ZNF704: variants seen among roughly 807,000 people sequenced by gnomAD.
The protein encoded by ZNF704 is zinc finger protein 704, also known as glucocorticoid induced gene 1.
In ZNF704, 10 loss-of-function variants were observed where a neutral mutation model predicts 44.7. That is an observed-to-expected ratio of 0.22 (90% confidence interval 0.14 to 0.38). The LOEUF (loss-of-function observed/expected upper bound fraction) is 0.38, where lower values mean the gene tolerates loss of function less well. ZNF704 is among the 10% of genes least tolerant of loss of function. ZNF704 has a pLI of 1.00. For synonymous variants in ZNF704, 211 were observed against 207.6 expected, an observed-to-expected ratio of 1.02 and a Z score of -0.14; for missense variants, 390 against 545.5, an observed-to-expected ratio of 0.71 and a Z score of 2.84.
chr8:80,669,234 C>A (rs1456564792), intron 5 of ZNF704, among the ~76,000 whole-genome samples: 3 of 152,154 alleles, frequency 2.0e-5, no homozygotes, highest in Admixed American at 1.3e-4. Context: ...CTTTCTAAAC[C>A]TTTAAAAAAA....
intron 5 of ZNF704, among the ~76,000 whole-genome samples, chr8:80,665,848 G>T (rs1305151170): frequency 1.5e-4 from 23 of 150,606 alleles, no homozygotes; most frequent in African/African-American, 5.4e-4. Flanking sequence ...TTTCATGATT[G>T]TAAGTTTCCT....
At chr8:80,820,481 C>CATACAAAG (rs1469993438) in intron 2 of ZNF704, among the ~76,000 whole-genome samples, 4 of 152,100 alleles carry the variant, frequency 2.6e-5, no homozygotes, top group Non-Finnish European at 5.9e-5. Flanking sequence ...GTAGATCTAT[C>CATACAAAG]ATACAAAGAT....
At chr8:80,776,207 T>A (rs1043430232) in intron 2 of ZNF704, among the ~76,000 whole-genome samples, 1 of 152,220 alleles carries the variant, frequency 6.6e-6, no homozygotes, top group Admixed American at 6.5e-5. Context: ...TATTTTGGAT[T>A]ATTTACTTAA....
At chr8:80,769,290 T>C (rs1037430336) in intron 2 of ZNF704, among the ~76,000 whole-genome samples, 1 of 152,190 alleles carries the variant, frequency 6.6e-6, no homozygotes, top group African/African-American at 2.4e-5. Flanking sequence ...AATTGTAGAT[T>C]CACAGTAAGT....
chr8:80,694,347 G>C (rs1818691003), intron 2 of ZNF704: 1 of 152,148 alleles, frequency 6.6e-6, no homozygotes, highest in Non-Finnish European at 1.5e-5. Context: ...ATGGTGACCG[G>C]AGTCAACTTG....
intron 2 of ZNF704, among the ~76,000 whole-genome samples, chr8:80,765,758 T>C (rs931764003): frequency 1.1e-4 from 16 of 152,168 alleles, no homozygotes; most frequent in African/African-American, 3.9e-4. Context: ...ATTGCATCTT[T>C]TGAGATTTTC....
At chr8:80,718,109 T>C (rs546581958) in intron 2 of ZNF704, among the ~76,000 whole-genome samples, 1 of 152,290 alleles carries the variant, frequency 6.6e-6, no homozygotes, top group South Asian at 2.1e-4. Context: ...AGCTACTCCA[T>C]AAGATTTTTC....
In ZNF704 at chr8:80,634,058, T is replaced by G. The variant is rs1817629201; in HGVS notation, c.*7308A>C. 1.3e-5 allele frequency: 2 copies of G among 152,140 alleles called. No homozygotes were observed. Among genetic ancestry groups the G allele is most frequent in the South Asian group, 4.1e-4 (2 of 4,834 alleles). The allele number at this position is 152,140 out of a possible 1,614,324, so 9.4% of individuals were successfully genotyped here. A position where few individuals can be genotyped will look rare whatever the true frequency, so the allele number is the denominator to read the frequency against. On this transcript the variant is annotated 3_prime_UTR_variant, in exon 9 of 9. Transcript: ENST00000327835. ...GGTAACGAAGACTCATGAGGCCGGA[T>G]GGAGAGGGAAGGAGTGTGGGGAGGC...
At chr8:80,680,723 A>T (rs550922541) in intron 4 of ZNF704, among the ~76,000 whole-genome samples, 5 of 152,352 alleles carry the variant, frequency 3.3e-5, no homozygotes, top group Admixed American at 1.3e-4. Flanking sequence ...CCTCACGGTT[A>T]CACAGTATAC....
chr8:80,773,379 G>C (rs901977099), intron 2 of ZNF704, among the ~76,000 whole-genome samples: 3 of 152,058 alleles, frequency 2.0e-5, no homozygotes, highest in African/African-American at 7.2e-5. Context: ...CAGTTGAAGT[G>C]GAGTACAGAT....
rs1459247256 is a variant in ZNF704, at chr8:80,641,437, C to T, written c.1168G>A (p.Gly390Arg). ...GEGKKCRKVY[G>R]MENRDMWCTA... is the part of the protein sequence containing the mutation. ...CACCACATGTCTCGGTTCTCCATCC[C>T]GTACACCTTCCGACACTTTTTGCCC... is the stretch of plus-strand genomic sequence containing the variant. The change falls in exon 9 of 9, where the codon GGG becomes AGG. Residue 390 changes from glycine to arginine, a missense_variant. Physicochemically the swap from Gly to Arg is moderately radical, Grantham distance 125. Coordinates refer to ENST00000327835, the MANE Select transcript of ZNF704 (RefSeq NM_001033723.3). 3.7e-6 allele frequency: 6 copies of T among 1,613,754 alleles called. No homozygotes were observed. The highest frequency in any genetic ancestry group is 5.1e-6 in the Non-Finnish European group (6 of 1,179,842).
chr8:80,733,026 T>C (rs903862766), intron 2 of ZNF704, among the ~76,000 whole-genome samples: 1 of 151,510 alleles, frequency 6.6e-6, no homozygotes, highest in Non-Finnish European at 1.5e-5. Flanking sequence ...ATCTTTCCTA[T>C]GAGAAAGATT....
chr8:80,698,762 C>G (rs1483703153), intron 2 of ZNF704, among the ~76,000 whole-genome samples: 1 of 152,182 alleles, frequency 6.6e-6, no homozygotes, highest in Non-Finnish European at 1.5e-5. Context: ...GCAGAGGCAG[C>G]CCGGCCAGGT....
chr8:80,672,447 A>C (rs1818297153), intron 4 of ZNF704, among the ~76,000 whole-genome samples: 1 of 152,204 alleles, frequency 6.6e-6, no homozygotes, highest in African/African-American at 2.4e-5. Context: ...GAATCATTCT[A>C]CCAAAAAGAC....
At chr8:80,692,347 A>G (rs1316826674) in intron 3 of ZNF704, among the ~76,000 whole-genome samples, 2 of 152,208 alleles carry the variant, frequency 1.3e-5, no homozygotes, top group African/African-American at 4.8e-5. Context: ...ACCTCATAGA[A>G]TTGTTGTGGG....
At chr8:80,880,818 G>T in the ZNF704 span, among the ~76,000 whole-genome samples, 2 of 152,188 alleles carry the variant, frequency 1.3e-5, no homozygotes, top group Non-Finnish European at 2.9e-5. Context: ...TAAAGTAAGT[G>T]AAAGATAGAA....
intron 2 of ZNF704, among the ~76,000 whole-genome samples, chr8:80,754,703 C>G (rs1311359405): frequency 6.6e-6 from 1 of 152,170 alleles, no homozygotes; most frequent in Non-Finnish European, 1.5e-5. Context: ...AGATTGTAAG[C>G]CCTGCTCCCC....
intron 6 of ZNF704, among the ~76,000 whole-genome samples, chr8:80,661,645 T>A (rs538883113): frequency 1.3e-5 from 2 of 152,330 alleles, no homozygotes; most frequent in Admixed American, 1.3e-4. Context: ...TTCAGCCATA[T>A]GAATGGAACT....
intron 2 of ZNF704, among the ~76,000 whole-genome samples, chr8:80,730,167 T>G (rs1806554281): frequency 6.6e-6 from 1 of 152,194 alleles, no homozygotes; most frequent in Non-Finnish European, 1.5e-5. Context: ...TGTGAAATCA[T>G]TTTTTCTTTT....
Sources: allele counts gnomAD v4.1 joint callset (sites outside exome capture counted in the v4.1 genomes callset), GRCh38; gene constraint gnomAD v4.1.1; transcripts MANE v1.5; gene names NCBI Gene and HGNC (gene_info 2026-07-23, HGNC 2026-07-21).